The following RBFOX3 variants were observed in gnomAD, a reference collection of about 807,000 sequenced individuals.
The protein encoded by RBFOX3 is RNA binding fox-1 homolog 3.
In RBFOX3, 17 loss-of-function variants were observed where a neutral mutation model predicts 48.7. The ratio of observed to expected loss-of-function variants is 0.35; its 90% confidence interval spans 0.24 to 0.52. The LOEUF (loss-of-function observed/expected upper bound fraction) is 0.52. RBFOX3 is among the 20% of genes least tolerant of loss of function. The pLI is 0.94. For missense variants in RBFOX3, 382 were observed against 497.5 expected, an observed-to-expected ratio of 0.77 and a Z score of 2.21; for synonymous variants, 212 against 209.5, an observed-to-expected ratio of 1.01 and a Z score of -0.10.
At chr17:79,110,633 T>C (rs1406214399) in intron 5 of RBFOX3, among the ~76,000 whole-genome samples, 1 of 152,244 alleles carries the variant, frequency 6.6e-6, no homozygotes, top group Non-Finnish European at 1.5e-5. Context: ...GGGCAGCCAG[T>C]CAGCCTTGGA....
intron 4 of RBFOX3, chr17:79,233,539 A>C (rs2061279475): frequency 5.3e-5 from 8 of 152,208 alleles, no homozygotes; most frequent in Admixed American, 5.2e-4. Flanking sequence ...CTATTTAAAA[A>C]ACCAACGTGC....
chr17:79,442,360 GGGGAGAGAGAGAGAGAGAGAGAGAGA>G lies in RBFOX3; in HGVS notation c.-175+40068_-175+40093del, dbSNP rs1309920119. The stretch of plus-strand genomic sequence containing the variant: ...GGGAGGGAGGGAGGGAGGAAGAGGG[GGGGAGAGAGAGAGAGAGAGAGAGAGA>G]GAGAGAGAGAGAGAGAAAGAGAGAC... On this transcript the variant is annotated intron_variant, in intron 2 of 14. Coordinates refer to ENST00000693108, the MANE Select transcript of RBFOX3 (RefSeq NM_001350451.2). Among the ~76,000 whole-genome samples, 60 of 31,396 alleles carry G rather than the reference GGGGAGAGAGAGAGAGAGAGAGAGAGA, an allele frequency of 1.9e-3. 3 individuals are homozygous for G. The highest frequency in any genetic ancestry group is 8.9e-3 in the African/African-American group (58 of 6,546). The allele number at this position is 31,396 out of a possible 152,430, so 20.6% of individuals were successfully genotyped here.
At chr17:79,579,775 G>A (rs1376318984) in intron 1 of RBFOX3, among the ~76,000 whole-genome samples, 6 of 141,622 alleles carry the variant, frequency 4.2e-5, no homozygotes, top group African/African-American at 8.0e-5. Flanking sequence ...TGTCACTGGC[G>A]CCGTGGTGGG....
the RBFOX3 span, among the ~76,000 whole-genome samples, chr17:79,657,550 G>A: frequency 1.6e-4 from 25 of 152,334 alleles, no homozygotes; most frequent in Admixed American, 1.3e-3. Context: ...ATGGTGGCAG[G>A]CAACTGTAGT....
At chr17:79,117,871 T>C (rs1358102157) in intron 4 of RBFOX3, among the ~76,000 whole-genome samples, 3 of 152,206 alleles carry the variant, frequency 2.0e-5, no homozygotes, top group Admixed American at 2.0e-4. Context: ...AATGACCCGA[T>C]GTCAAACCAT....
the RBFOX3 span, among the ~76,000 whole-genome samples, chr17:79,623,181 G>A: frequency 2.0e-5 from 3 of 152,218 alleles, no homozygotes; most frequent in African/African-American, 7.2e-5. Flanking sequence ...ATCTACAGAT[G>A]AAGAAACTGA....
At chr17:79,097,889 C>T in intron 9 of RBFOX3, 144 bp from the exon 10 acceptor site, 1 of 783,484 alleles carries the variant, frequency 1.3e-6, no homozygotes. Context: ...CCCTTTCCCA[C>T]ACTGCCCGGA....
At chr17:79,310,748 C>T (rs945194397) in intron 2 of RBFOX3, among the ~76,000 whole-genome samples, 19 of 152,212 alleles carry the variant, frequency 1.2e-4, no homozygotes, top group Admixed American at 2.0e-4. Context: ...AGCGCTGCCT[C>T]GGCATTAAAC....
chr17:79,450,143 T>C (rs1555740642), intron 2 of RBFOX3, among the ~76,000 whole-genome samples: 2 of 152,012 alleles, frequency 1.3e-5, no homozygotes, highest in East Asian at 1.9e-4. Context: ...GTGCAGAAAC[T>C]CTCTCAACAT....
At position 79,420,125 on chromosome 17, in the gene RBFOX3, TCATACACA is replaced by T. The variant is rs1203594063; in HGVS notation, c.-175+62321_-175+62328del. Among the ~76,000 whole-genome samples the T allele has an allele frequency of 8.7e-4, 22 of 25,242 alleles. 1 individual carries two copies. The highest frequency in any genetic ancestry group is 2.1e-3 in the South Asian group (2 of 960). 16.6% of individuals were successfully genotyped at this position (25,242 alleles called of 152,430 possible). On this transcript the variant is annotated intron_variant, in intron 2 of 14. Coordinates refer to ENST00000693108, the MANE Select transcript of RBFOX3 (RefSeq NM_001350451.2). ...CTGGGCAACAGAGCAAGACTCCGTCTCATACACACACACACACACACACACACACACAC... is the reference window on the plus strand; with the variant it reads ...CTGGGCAACAGAGCAAGACTCCGTCTCACACACACACACACACACACACAC...
chr17:79,182,525 C>T (rs913624402), intron 4 of RBFOX3, among the ~76,000 whole-genome samples: 19 of 152,104 alleles, frequency 1.2e-4, no homozygotes, highest in Non-Finnish European at 2.5e-4. Context: ...GCAGGACCCC[C>T]GTCCCCTCCC....
intron 3 of RBFOX3, among the ~76,000 whole-genome samples, chr17:79,296,640 G>A (rs905617304): frequency 8.6e-5 from 13 of 151,954 alleles, no homozygotes; most frequent in African/African-American, 3.1e-4. Flanking sequence ...ACACACACCA[G>A]CTGTAGACTC....
intron 1 of RBFOX3, among the ~76,000 whole-genome samples, chr17:79,567,959 G>T: frequency 6.6e-6 from 1 of 152,198 alleles, no homozygotes; most frequent in Non-Finnish European, 1.5e-5. Context: ...GAGATGGTTT[G>T]CAGACCAAAT....
chr17:79,455,249 G>C (rs1030632793), intron 2 of RBFOX3, among the ~76,000 whole-genome samples: 1 of 152,206 alleles, frequency 6.6e-6, no homozygotes, highest in Non-Finnish European at 1.5e-5. Context: ...CCAAAGACGC[G>C]CAGGCTACCG....
At chr17:79,097,135 G>C (rs1401851466) in intron 11 of RBFOX3, among the ~76,000 whole-genome samples, 157 bp downstream of exon 11, 1 of 151,962 alleles carries the variant, frequency 6.6e-6, no homozygotes, top group East Asian at 1.9e-4. Context: ...AGATAATGGA[G>C]GCAGCTGCAG....
chr17:79,194,328 C>T (rs574233087), intron 4 of RBFOX3, among the ~76,000 whole-genome samples: 2 of 152,200 alleles, frequency 1.3e-5, no homozygotes, highest in South Asian at 4.2e-4. Flanking sequence ...TCCTGGAAGC[C>T]AGGTGCGGTG....
chr17:79,376,878 G>A (rs995885117), intron 2 of RBFOX3, among the ~76,000 whole-genome samples: 23 of 152,112 alleles, frequency 1.5e-4, no homozygotes, highest in African/African-American at 2.2e-4. Context: ...CTGGAACCCC[G>A]AGATGTGGGA....
At chr17:79,277,307 G>GGT (rs72532126) in intron 3 of RBFOX3, among the ~76,000 whole-genome samples, 3 of 42,684 alleles carry the variant, frequency 7.0e-5, no homozygotes, top group African/African-American at 2.3e-4. Context: ...GTGGGGAGGG[G>GGT]GGGGGTAGTG....
intron 4 of RBFOX3, among the ~76,000 whole-genome samples, chr17:79,194,311 A>G (rs2055108650): frequency 6.6e-6 from 1 of 152,108 alleles, no homozygotes; most frequent in Non-Finnish European, 1.5e-5. Flanking sequence ...TCTAGGTACA[A>G]ACTGCCTCCT....
Sources: allele counts gnomAD v4.1 joint callset (sites outside exome capture counted in the v4.1 genomes callset), GRCh38; gene constraint gnomAD v4.1.1; transcripts MANE v1.5; gene names NCBI Gene and HGNC (gene_info 2026-07-23, HGNC 2026-07-21).